TRIO: variants seen among roughly 807,000 people sequenced by gnomAD.
TRIO encodes trio Rho guanine nucleotide exchange factor.
A neutral mutation model predicts 351.9 loss-of-function variants in TRIO; 58 were observed. The observed-to-expected ratio is 0.16, with a 90% CI of 0.13 to 0.21. The LOEUF (loss-of-function observed/expected upper bound fraction) is 0.21. Among genes scored for constraint, TRIO ranks in the 10% least tolerant of loss-of-function variants. The pLI, the probability that TRIO is intolerant of heterozygous loss-of-function variation, is 1.00. For synonymous variants in TRIO, 1,758 were observed against 1,595.7 expected (o/e 1.10, Z -2.42); for missense variants, 3,201 against 4,027.8 (o/e 0.79, Z 5.56).
At chr5:14,469,807 A>G (rs1193065942) in intron 37 of TRIO, among the ~76,000 whole-genome samples, 1 of 152,252 alleles carries the variant, frequency 6.6e-6, no homozygotes, top group Non-Finnish European at 1.5e-5. Context: ...GCTGGAAGAC[A>G]GGTCCCCATG....
intron 1 of TRIO, among the ~76,000 whole-genome samples, chr5:14,190,246 A>G (rs1790376661): frequency 6.6e-6 from 1 of 152,084 alleles, no homozygotes. Context: ...AAGAGGGTGG[A>G]CTACAGGGGC....
At chr5:14,406,127 C>A in intron 32 of TRIO, 137 bp downstream of exon 32, 1 of 1,259,390 alleles carries the variant, frequency 7.9e-7, no homozygotes, top group Non-Finnish European at 1.1e-6. Flanking sequence ...TTGTGGATAA[C>A]ATCATTCTTA....
At position 14,482,578 on chromosome 5, in the gene TRIO, T is replaced by G. The variant is rs753504106; in HGVS notation, c.6466-4T>G. ...TCCTTTTCCCCCTTTATTTCTTGTT[T>G]TAGGGGAAAATCGTTGCCCAGGGTA... On this transcript the variant is annotated splice_polypyrimidine_tract_variant and splice_region_variant and intron_variant, in intron 45 of 56. Transcript: ENST00000344204. 2.8e-5 allele frequency: 40 copies of G among 1,435,936 alleles called. No homozygotes were observed. Among genetic ancestry groups the G allele is most frequent in the Non-Finnish European group, 3.7e-5 (40 of 1,081,908 alleles). The allele number at this position is 1,435,936 out of a possible 1,614,324, so 88.9% of individuals were successfully genotyped here.
chr5:14,437,777 G>A (rs2126309263), intron 34 of TRIO, among the ~76,000 whole-genome samples: 1 of 151,770 alleles, frequency 6.6e-6, no homozygotes, highest in South Asian at 2.1e-4. Flanking sequence ...CCAGGGCTTG[G>A]GACATCAGCA....
chr5:14,351,364 C>T (rs1743085701), intron 11 of TRIO, among the ~76,000 whole-genome samples: 1 of 152,204 alleles, frequency 6.6e-6, no homozygotes, highest in Non-Finnish European at 1.5e-5. Context: ...AGTGGTTGTC[C>T]TCTGAGATTC....
At chr5:14,301,834 A>T (rs1293355166) in intron 7 of TRIO, among the ~76,000 whole-genome samples, 2 of 152,156 alleles carry the variant, frequency 1.3e-5, no homozygotes, top group African/African-American at 4.8e-5. Context: ...GCCTTTTGGA[A>T]AACAATCAGG....
chr5:14,485,050 A>ATT lies in TRIO; in HGVS notation c.6658-18_6658-17insTT. ...TTCCACCTGTTAGCTATTATGAATA[A>ATT]TGTTTTTTTTTTTTTAAGGTGAGTT... On this transcript the variant is annotated intron_variant, in intron 46 of 56. Transcript: ENST00000344204. 6.7e-7 allele frequency: 1 copy of ATT among 1,490,416 alleles called. No individual in the cohort carries two copies. Among genetic ancestry groups the ATT allele is most frequent in the Non-Finnish European group, 9.1e-7 (1 of 1,100,578 alleles). The allele number at this position is 1,490,416 out of a possible 1,614,324, so 92.3% of individuals were successfully genotyped here.
chr5:14,186,922 A>G (rs1472849301), intron 1 of TRIO, among the ~76,000 whole-genome samples: 1 of 152,194 alleles, frequency 6.6e-6, no homozygotes, highest in Non-Finnish European at 1.5e-5. Flanking sequence ...ACAATGCCAC[A>G]TGATTTTGTC....
chr5:14,488,028 C>G lies in TRIO; in HGVS notation c.7400C>G (p.Ser2467Cys). Residue 2467 changes from serine (S) to cysteine (C), a missense_variant, in exon 48 of 57, where the codon TCT becomes TGT. Physicochemically the swap from Ser to Cys is moderately radical, Grantham distance 112. Transcript: ENST00000344204. ...LNSPLSSAVP[S>C]LGKEPFPPSS... ...TCGCCGCTCTCCAGCGCGGTCCCTT[C>G]TCTCGGCAAGGAGCCCTTCCCCCCC... The G allele has an allele frequency of 1.2e-6, 2 of 1,602,102 alleles. No individual in the cohort carries two copies. The highest frequency in any genetic ancestry group is 1.7e-6 in the Non-Finnish European group (2 of 1,175,580).
At chr5:14,148,013 C>G (rs889005391) in intron 1 of TRIO, among the ~76,000 whole-genome samples, 1 of 152,150 alleles carries the variant, frequency 6.6e-6, no homozygotes, top group South Asian at 2.1e-4. Context: ...AAGTGACTTT[C>G]GAGGAATCAA....
chr5:14,474,835 G>A (rs1393608940), intron 40 of TRIO, among the ~76,000 whole-genome samples: 1 of 152,108 alleles, frequency 6.6e-6, no homozygotes, highest in African/African-American at 2.4e-5. Context: ...ACCATGTGCA[G>A]CTAACTTTTT....
chr5:14,420,071 G>A (rs758686229), intron 34 of TRIO, 50 bp downstream of exon 34: 2 of 1,587,540 alleles, frequency 1.3e-6, no homozygotes, highest in African/African-American at 2.7e-5. Context: ...AAGTGGCCCT[G>A]GAGCGCTCTG....
chr5:14,473,006 A>G (rs1357335570), intron 39 of TRIO, among the ~76,000 whole-genome samples: 1 of 152,228 alleles, frequency 6.6e-6, no homozygotes, highest in Non-Finnish European at 1.5e-5. Context: ...CACTACAGAA[A>G]TGAAGACCTT....
chr5:14,242,342 A>G (rs1794178347), intron 1 of TRIO, among the ~76,000 whole-genome samples: 1 of 152,270 alleles, frequency 6.6e-6, no homozygotes, highest in African/African-American at 2.4e-5. Flanking sequence ...TTAACCTACA[A>G]ATCTGAGTGC....
chr5:14,420,065 G>A (rs372296665), intron 34 of TRIO, 44 bp downstream of exon 34: 6 of 1,592,640 alleles, frequency 3.8e-6, no homozygotes, highest in Non-Finnish European at 4.3e-6. Flanking sequence ...TACTGGAAGT[G>A]GCCCTGGAGC....
intron 3 of TRIO, among the ~76,000 whole-genome samples, chr5:14,282,577 CT>C (rs1195718315): frequency 7.6e-5 from 10 of 131,452 alleles, no homozygotes; most frequent in African/African-American, 3.6e-4. Context: ...AAAAAAAAAC[CT>C]TTTTTTTGTG....
chr5:14,276,150 G>T (rs901045827), intron 2 of TRIO, among the ~76,000 whole-genome samples: 5 of 151,946 alleles, frequency 3.3e-5, no homozygotes, highest in African/African-American at 1.2e-4. Context: ...ATGCCTTAAG[G>T]TTTGCTGGTA....
chr5:14,294,134 T>C (rs1012730928), intron 6 of TRIO, among the ~76,000 whole-genome samples: 3 of 152,082 alleles, frequency 2.0e-5, no homozygotes, highest in African/African-American at 7.2e-5. Context: ...AACAGTGAGT[T>C]ATGATCACGC....
At chr5:14,492,922 C>T (rs1317257869) in intron 49 of TRIO, 108 bp downstream of exon 49, 46 of 1,490,614 alleles carry the variant, frequency 3.1e-5, no homozygotes, top group African/African-American at 8.3e-5. Flanking sequence ...GGGAGATCTG[C>T]GCTGGTATGT....
Sources: allele counts gnomAD v4.1 joint callset (sites outside exome capture counted in the v4.1 genomes callset), GRCh38; gene constraint gnomAD v4.1.1; transcripts MANE v1.5; gene names NCBI Gene and HGNC (gene_info 2026-07-23, HGNC 2026-07-21).